Variants in PDE6B observed in about 807,000 individuals in gnomAD.
PDE6B encodes the protein rod cGMP-specific 3',5'-cyclic phosphodiesterase subunit beta.
Under a neutral mutation model 109.0 loss-of-function variants are expected in PDE6B, and 106 were observed. The ratio of observed to expected loss-of-function variants is 0.97; its 90% confidence interval spans 0.83 to 1.14. The LOEUF (loss-of-function observed/expected upper bound fraction) is 1.14. PDE6B is among the 50% of genes most tolerant of loss of function. The pLI is 0.00. For synonymous variants in PDE6B, 490 were observed against 471.3 expected, an observed-to-expected ratio of 1.04 and a Z score of -0.51; for missense variants, 1,193 against 1,155.6, an observed-to-expected ratio of 1.03 and a Z score of -0.47.
Position 654,616 on chromosome 4 carries a change from T to A in PDE6B, c.928-208T>A, listed in dbSNP as rs376150957. On this transcript the variant is annotated intron_variant, in intron 5 of 21. Coordinates refer to ENST00000496514, the MANE Select transcript of PDE6B (RefSeq NM_000283.4). ...TGTGTGTGCACCCTGAGCCTGTGCA[T>A]GTGTGGACATGGGTGTGAGTGCACC... The A allele has an allele frequency of 2.5e-3, 1,658 of 652,234 alleles. 52 individuals are homozygous for A. In the South Asian group the frequency reaches 0.028, roughly 11 times the overall value. The allele number at this position is 652,234 out of a possible 1,614,324, so 40.4% of individuals were successfully genotyped here.
chr4:647,585 G>A (rs1295822780), intron 3 of PDE6B, among the ~76,000 whole-genome samples: 1 of 152,026 alleles, frequency 6.6e-6, no homozygotes, highest in East Asian at 1.9e-4. Flanking sequence ...TCCCTGGCTT[G>A]CTGTGTCCTC....
intron 10 of PDE6B, among the ~76,000 whole-genome samples, chr4:658,743 G>A (rs1736673285): frequency 6.6e-6 from 1 of 152,196 alleles, no homozygotes; most frequent in South Asian, 2.1e-4. Context: ...GACTGCGTAA[G>A]GCAGTGCCCG....
chr4:659,621 A>AAT (rs1736807249), intron 11 of PDE6B, among the ~76,000 whole-genome samples: 1 of 148,770 alleles, frequency 6.7e-6, no homozygotes. Context: ...GCATTGTATG[A>AAT]ATGTGCACAT....
intron 1 of PDE6B, among the ~76,000 whole-genome samples, chr4:632,046 G>T (rs2109127275): frequency 6.7e-6 from 1 of 150,296 alleles, no homozygotes; most frequent in East Asian, 2.0e-4. Flanking sequence ...CACCATCTGA[G>T]GTCATCCTGT....
Position 657,308 on chromosome 4 carries a change from C to T in PDE6B, c.1258-43C>T, listed in dbSNP as rs185013195. On this transcript the variant is annotated intron_variant, in intron 9 of 21. Transcript: ENST00000496514. Reference sequence around the variant, plus strand: ...GCACACAGGCACATGGGAGGGGGCGCGCCGGGAGCGCTGAGCGCCAGTGAC... The same window carrying T: ...GCACACAGGCACATGGGAGGGGGCGTGCCGGGAGCGCTGAGCGCCAGTGAC... 3.3e-5 allele frequency: 53 copies of T among 1,610,252 alleles called. No homozygotes were observed. The East Asian group carries it at 6.0e-4, about 18-fold the overall frequency.
Position 648,265 on chromosome 4 carries a change from G to A in PDE6B, c.712-5587G>A, listed in dbSNP as rs770183493. 3.3e-5 allele frequency among the ~76,000 whole-genome samples: 5 copies of A among 152,084 alleles called. No homozygotes were observed. Among genetic ancestry groups the A allele is most frequent in the Admixed American group, 6.5e-5 (1 of 15,274 alleles). On this transcript the variant is annotated intron_variant, in intron 3 of 21. Coordinates refer to ENST00000496514, the MANE Select transcript of PDE6B (RefSeq NM_000283.4). This position sits in a 1 kb window ranked among gnomAD's most constrained non-coding sequence, Gnocchi z 4.5. ...AACACGTGACCTTGTGTCTCCATGT[G>A]AGACTTTCGATTTTGCACCAGACAT...
In PDE6B at chr4:636,035, G is replaced by A. The variant is rs1734662347; in HGVS notation, c.711+66G>A. The A allele has an allele frequency of 2.1e-6, 2 of 933,172 alleles. No homozygotes were observed. The highest frequency in any genetic ancestry group is 1.3e-5 in the South Asian group (1 of 77,590). The allele number at this position is 933,172 out of a possible 1,614,324, so 57.8% of individuals were successfully genotyped here. A position where few individuals can be genotyped will look rare whatever the true frequency, so the allele number is the denominator to read the frequency against. ...GGTCCCTCCGCCCATCTCGCTGCCT[G>A]CACAGAGGCGGGTGGTGGCAGGTGG... On this transcript the variant is annotated intron_variant, in intron 3 of 21. Coordinates refer to ENST00000496514, the MANE Select transcript of PDE6B (RefSeq NM_000283.4). This position sits in a 1 kb window ranked among gnomAD's most constrained non-coding sequence, Gnocchi z 4.5.
At chr4:654,223 A>T in intron 5 of PDE6B, 69 bp downstream of exon 5, 8 of 1,244,744 alleles carry the variant, frequency 6.4e-6, no homozygotes, top group Admixed American at 1.8e-5. Context: ...ACTCCAGGGC[A>T]GGAGAGGGAG....
chr4:648,192 T>C lies in PDE6B; in HGVS notation c.712-5660T>C, dbSNP rs1191611522. On this transcript the variant is annotated intron_variant, in intron 3 of 21. Transcript: ENST00000496514. This position sits in a 1 kb window ranked among gnomAD's most constrained non-coding sequence, Gnocchi z 4.5. ...TTACCAACACCTAGGAAACTCCTTG[T>C]TTCCAGCCTCTCAGTCTGCAGGCAT... 1.3e-5 allele frequency among the ~76,000 whole-genome samples: 2 copies of C among 152,046 alleles called. No homozygotes were observed. Among genetic ancestry groups the C allele is most frequent in the African/African-American group, 4.8e-5 (2 of 41,300 alleles).
chr4:655,014 C>A (rs1271107895), intron 6 of PDE6B, 126 bp downstream of exon 6: 1 of 742,438 alleles, frequency 1.3e-6, no homozygotes, highest in East Asian at 2.5e-5. Flanking sequence ...CCTGGCCTGG[C>A]CCCACCTGTG....
At position 667,881 on chromosome 4, in the gene PDE6B, TC is replaced by T; in HGVS notation, c.2380del (p.Leu794CysfsTer25). ...YKEFSRFHEE[I>X]LPMFDRLQNN... ...GAGTTCTCTCGTTTCCACGAAGAGA[TC>T]CTGCCCATGTTCGACCGACTGCAGA... On this transcript the variant is annotated frameshift_variant, in exon 21 of 22. Coordinates refer to ENST00000496514, the MANE Select transcript of PDE6B (RefSeq NM_000283.4). LOFTEE classifies it high-confidence loss of function. 1 of 1,613,494 alleles carries T rather than the reference TC, an allele frequency of 6.2e-7. No individual in the cohort carries two copies. Among genetic ancestry groups the T allele is most frequent in the Non-Finnish European group, 8.5e-7 (1 of 1,179,726 alleles).
rs1420482878 is a variant in PDE6B, at chr4:658,953, C to T, written c.1403C>T (p.Pro468Leu). The change falls in exon 11 of 22, where the codon CCA (proline) becomes CTA (leucine). Residue 468 changes from proline (P) to leucine (L), a missense_variant and splice_region_variant. Transcript: ENST00000496514. ...TGACACATCTGTGTCTCTGTGTAGCCAACCAGAGCGCGCCTGGGGAAGGAG... is the reference window on the plus strand; with the variant it reads ...TGACACATCTGTGTCTCTGTGTAGCTAACCAGAGCGCGCCTGGGGAAGGAG... ...CDRDEIQLIL[P>L]TRARLGKEPA... 1.9e-6 allele frequency: 3 copies of T among 1,611,196 alleles called. No individual in the cohort carries two copies. The highest frequency in any genetic ancestry group is 2.5e-6 in the Non-Finnish European group (3 of 1,177,752).
intron 3 of PDE6B, among the ~76,000 whole-genome samples, chr4:640,233 A>C (rs987058439): frequency 7.9e-5 from 12 of 152,114 alleles, no homozygotes; most frequent in Non-Finnish European, 1.8e-4. Context: ...AATAGTTTTA[A>C]ATTTTATTAT....
chr4:636,074 T>G lies in PDE6B; in HGVS notation c.711+105T>G, dbSNP rs1734664535. On this transcript the variant is annotated intron_variant, in intron 3 of 21. Transcript: ENST00000496514. The surrounding 1 kb of genome is among the most constrained non-coding windows in gnomAD (Gnocchi z 4.5). ...GGTGGCAGGTGGTCTTGTGCTCACC[T>G]GGGTAGGTCCTGGGGTGGGCATTGC... is the stretch of plus-strand genomic sequence containing the variant. 2 of 748,364 alleles carry G rather than the reference T, an allele frequency of 2.7e-6. No individual in the cohort carries two copies. The allele number at this position is 748,364 out of a possible 1,614,324, so 46.4% of individuals were successfully genotyped here.
In PDE6B at chr4:642,084, A is replaced by G. The variant is rs80291370; in HGVS notation, c.711+6115A>G. ...GCCTTATTGCACTAGCTAGGACTTC[A>G]AGTATAATGTTGAATGTGAGTGGTG... On this transcript the variant is annotated intron_variant, in intron 3 of 21. Coordinates refer to ENST00000496514, the MANE Select transcript of PDE6B (RefSeq NM_000283.4). 6.7e-4 allele frequency among the ~76,000 whole-genome samples: 102 copies of G among 152,310 alleles called. 1 individual carries two copies. The East Asian group carries it at 0.018, about 27-fold the overall frequency.
chr4:641,836 G>A (rs1487481542), intron 3 of PDE6B, among the ~76,000 whole-genome samples: 1 of 151,948 alleles, frequency 6.6e-6, no homozygotes, highest in Non-Finnish European at 1.5e-5. Context: ...TAGTAGAGAT[G>A]GGGTTTCACC....
rs1484474636 is a variant in PDE6B at position 625,612 on chromosome 4, G to A, written c.-15G>A. ...GTGCCTGGAGCAGCAGCGTCTCCAG[G>A]GACAGGCAGCCACCATGAGCCTCAG... On this transcript the variant is annotated 5_prime_UTR_variant, in exon 1 of 22. Transcript: ENST00000496514. The surrounding 1 kb of genome is among the most constrained non-coding windows in gnomAD (Gnocchi z 5.0). 1 of 1,583,826 alleles carries A rather than the reference G, an allele frequency of 6.3e-7. No homozygotes were observed. The highest frequency in any genetic ancestry group is 1.7e-5 in the Admixed American group (1 of 59,988).
chr4:629,416 C>T (rs554386736), intron 1 of PDE6B, among the ~76,000 whole-genome samples: 1 of 152,220 alleles, frequency 6.6e-6, no homozygotes, highest in Non-Finnish European at 1.5e-5. Context: ...AGGACTCACA[C>T]CCCAGCTCTG....
intron 3 of PDE6B, among the ~76,000 whole-genome samples, chr4:651,136 G>A (rs1449306042): frequency 5.3e-5 from 8 of 150,154 alleles, no homozygotes; most frequent in Non-Finnish European, 7.4e-5. Flanking sequence ...CAGTGGGGCC[G>A]TCACAGGCAG....
Sources: gnomAD v4.1 joint callset for allele counts (sites outside exome capture counted in the v4.1 genomes callset) on GRCh38, gnomAD v4.1.1 for gene constraint, Gnocchi (gnomAD v3.1) non-coding constraint, MANE v1.5 for transcripts, NCBI Gene and HGNC (gene_info 2026-07-23, HGNC 2026-07-21) for gene names.